Variants in SERPINA1 observed in about 807,000 individuals in gnomAD.
SERPINA1 encodes alpha-1-antitrypsin.
A neutral mutation model predicts 25.4 loss-of-function variants in SERPINA1; 21 were observed. The ratio of observed to expected loss-of-function variants is 0.83; its 90% CI spans 0.59 to 1.19. The LOEUF (loss-of-function observed/expected upper bound fraction) is 1.19, where lower values mean the gene tolerates loss of function less well. Among genes scored for constraint, SERPINA1 ranks in the 50% most tolerant of loss-of-function variants. The probability of loss-of-function intolerance (pLI) is 0.00; values close to 1 mark genes in which losing one functional copy is unlikely to be tolerated. For missense variants in SERPINA1, 546 were observed against 509.0 expected (o/e 1.07, Z -0.70); for synonymous variants, 218 against 211.1 (o/e 1.03, Z -0.29).
Position 94,381,020 on chromosome 14 carries a change from A to G in SERPINA1, c.768T>C (p.Cys256=), listed in dbSNP as rs8350. 6.8e-6 allele frequency: 11 copies of G among 1,613,854 alleles called. No individual in the cohort carries two copies. Among genetic ancestry groups the G allele is most frequent in the African/African-American group, 1.3e-5 (1 of 74,824 alleles). ...KRLGMFNIQH[C]KKLSSWVLLM... The stretch of plus-strand genomic sequence containing the variant: ...GCAGCACCCAGCTGGACAGCTTCTT[A>G]CAGTGCTGGATGTTAAACATGCCTA... The change falls in exon 3 of 5, where the codon TGT becomes TGC. Residue 256 remains cysteine, a synonymous_variant. Coordinates refer to ENST00000393087, the MANE Select transcript of SERPINA1 (RefSeq NM_000295.5).
Position 94,379,608 on chromosome 14 carries a change from A to C in SERPINA1, c.921T>G (p.Ser307=). ...ACAGTTTGGGTAAATGTAAGCTGGC[A>C]GACCTGTCGTGCAGAAAAGAAATTC... is the stretch of plus-strand genomic sequence containing the variant. ...TKFLENEDRR[S]ASLHLPKLSI... is the part of the protein sequence containing the mutation. Residue 307 remains serine, a synonymous_variant, in exon 4 of 5, where the codon TCT becomes TCG. Coordinates refer to ENST00000393087, the MANE Select transcript of SERPINA1 (RefSeq NM_000295.5). 1 of 1,614,228 alleles carries C rather than the reference A, an allele frequency of 6.2e-7. No individual in the cohort carries two copies. Among genetic ancestry groups the C allele is most frequent in the Non-Finnish European group, 8.5e-7 (1 of 1,180,046 alleles).
chr14:94,378,821 C>G (rs988564416), intron 4 of SERPINA1, among the ~76,000 whole-genome samples, 181 bp from the exon 5 acceptor site: 5 of 152,274 alleles, frequency 3.3e-5, no homozygotes, highest in African/African-American at 1.2e-4. Context: ...GGGCTGGCTC[C>G]CCTCTGTCCA....
chr14:94,390,107 T>TGTGAAGG (rs1897595015), upstream of SERPINA1, among the ~76,000 whole-genome samples: 1 of 152,136 alleles, frequency 6.6e-6, no homozygotes, highest in Non-Finnish European at 1.5e-5. Context: ...AGGCAGTCTC[T>TGTGAAGG]CATTCAGTTA....
intron 4 of SERPINA1, chr14:94,379,191 A>G (rs1396613591): frequency 3.3e-6 from 2 of 601,498 alleles, no homozygotes; most frequent in Non-Finnish European, 5.9e-6. Context: ...TCAAGGCCCA[A>G]TGTCTAGAAG....
Position 94,383,319 on chromosome 14 carries a change from G to C in SERPINA1, c.-4-78C>G, listed in dbSNP as rs986863551. On this transcript the variant is annotated intron_variant, in intron 1 of 4. Transcript: ENST00000393087. ...CCCAGTGATCAGGGATTGACACCAC[G>C]TGGAAGTGCCTAGGGATTATTAAAC... The C allele has an allele frequency of 9.4e-6, 14 of 1,482,732 alleles. No homozygotes were observed. In the South Asian group the frequency reaches 1.5e-4, roughly 16 times the overall value. 91.8% of individuals were successfully genotyped at this position (1,482,732 alleles called of 1,614,324 possible).
rs764493280 is a variant in SERPINA1, at chr14:94,382,911, C to T, written c.327G>A (p.Thr109=). The change falls in exon 2 of 5, where the codon ACG becomes ACA. Residue 109 remains threonine (T), a synonymous_variant. Coordinates refer to ENST00000393087, the MANE Select transcript of SERPINA1 (RefSeq NM_000295.5). ...EILEGLNFNL[T]EIPEAQIHEG... ...CATGGATCTGAGCCTCCGGAATCTC[C>T]GTGAGGTTGAAATTCAGGCCCTCCA... 52 of 1,612,716 alleles carry T rather than the reference C, an allele frequency of 3.2e-5. No homozygotes were observed. Among genetic ancestry groups the T allele is most frequent in the Admixed American group, 2.5e-4 (15 of 59,926 alleles).
rs116660845 is a variant in SERPINA1, at chr14:94,382,329, T to C, written c.646+263A>G. Among the ~76,000 whole-genome samples, 815 of 151,626 alleles carry C rather than the reference T, an allele frequency of 5.4e-3. 13 individuals carry two copies. The highest frequency in any genetic ancestry group is 0.019 in the African/African-American group (778 of 41,438). ...AGTTCTAAGCATTATATATTCTACA[T>C]ATACAGTATACACAAGGACATTAAA... On this transcript the variant is annotated intron_variant, in intron 2 of 4. Transcript: ENST00000393087.
At position 94,385,397 on chromosome 14, in the gene SERPINA1, C is replaced by T. The variant is rs138451690; in HGVS notation, c.-4-2156G>A. Among the ~76,000 whole-genome samples the T allele has an allele frequency of 5.9e-3, 893 of 152,320 alleles. 3 individuals are homozygous for T. Among genetic ancestry groups the T allele is most frequent in the Non-Finnish European group, 9.0e-3 (611 of 68,034 alleles). On this transcript the variant is annotated intron_variant, in intron 1 of 4. Coordinates refer to ENST00000393087, the MANE Select transcript of SERPINA1 (RefSeq NM_000295.5). ...AGGGTGGAGTGCAGTGGCGTGATCT[C>T]GGCTCACTGAAACCTCCACCTCCCG...
intron 2 of SERPINA1, among the ~76,000 whole-genome samples, chr14:94,381,982 T>C (rs1165499864): frequency 1.3e-5 from 2 of 152,140 alleles, no homozygotes; most frequent in South Asian, 4.1e-4. Flanking sequence ...TTTTAACCCC[T>C]CAGGGGCAGG....
chr14:94,380,430 C>T (rs77628052), intron 3 of SERPINA1, among the ~76,000 whole-genome samples: 1 of 152,196 alleles, frequency 6.6e-6, no homozygotes, highest in East Asian at 1.9e-4. Context: ...CCGAACCTTG[C>T]TTTTCTGGGC....
In SERPINA1 at chr14:94,382,850, G is replaced by T; in HGVS notation, c.388C>A (p.Pro130Thr). 6.2e-7 allele frequency: 1 copy of T among 1,614,210 alleles called. No homozygotes were observed. The highest frequency in any genetic ancestry group is 1.1e-5 in the South Asian group (1 of 91,088). The change falls in exon 2 of 5, where the codon CCA (proline) becomes ACA (threonine). Residue 130 changes from proline (P) to threonine (T), a missense_variant. Coordinates refer to ENST00000393087, the MANE Select transcript of SERPINA1 (RefSeq NM_000295.5). Reference sequence around the variant, plus strand: ...GTGGTCAGCTGGAGCTGGCTGTCTGGCTGGTTGAGGGTACGGAGGAGTTCC... The same window carrying T: ...GTGGTCAGCTGGAGCTGGCTGTCTGTCTGGTTGAGGGTACGGAGGAGTTCC... ...FQELLRTLNQ[P>T]DSQLQLTTGN...
In SERPINA1 at chr14:94,382,775, A is replaced by G. The variant is rs773981008; in HGVS notation, c.463T>C (p.Leu155=). 11 of 1,614,100 alleles carry G rather than the reference A, an allele frequency of 6.8e-6. No homozygotes were observed. The African/African-American group carries it at 1.1e-4, about 16-fold the overall frequency. The change falls in exon 2 of 5, where the codon TTG becomes CTG. Residue 155 remains leucine (L), a synonymous_variant. Coordinates refer to ENST00000393087, the MANE Select transcript of SERPINA1 (RefSeq NM_000295.5). ...TGGTACAACTTTTTAACATCCTCCAAAAACTTATCCACTAGCTTCAGGCCC... is the reference window on the plus strand; with the variant it reads ...TGGTACAACTTTTTAACATCCTCCAGAAACTTATCCACTAGCTTCAGGCCC... The part of the protein sequence containing the change: ...SEGLKLVDKF[L]EDVKKLYHSE...
intron 1 of SERPINA1, among the ~76,000 whole-genome samples, chr14:94,387,647 A>G (rs1469717507): frequency 6.6e-6 from 1 of 152,116 alleles, no homozygotes; most frequent in Non-Finnish European, 1.5e-5. Flanking sequence ...CCTGTTCCCC[A>G]TCCAGCGCCT....
At chr14:94,389,868 G>A (rs1289311522), upstream of SERPINA1, 1 of 152,268 alleles carries the variant, frequency 6.6e-6, no homozygotes, top group East Asian at 1.9e-4. Context: ...GGCCTCAGGT[G>A]AGTTGTTTAA....
chr14:94,385,473 C>T (rs1288615348), intron 1 of SERPINA1, among the ~76,000 whole-genome samples: 1 of 152,228 alleles, frequency 6.6e-6, no homozygotes, highest in South Asian at 2.1e-4. Context: ...GGATTACAGG[C>T]GTGTGCCACC....
rs185584847 is a variant in SERPINA1 at position 94,386,874 on chromosome 14, G to C, written c.-5+1686C>G. 1.8e-3 allele frequency among the ~76,000 whole-genome samples: 275 copies of C among 152,284 alleles called. No individual in the cohort carries two copies. The Middle Eastern group carries it at 0.031, about 17-fold the overall frequency. On this transcript the variant is annotated intron_variant, in intron 1 of 4. Coordinates refer to ENST00000393087, the MANE Select transcript of SERPINA1 (RefSeq NM_000295.5). ...ACTTACTAACACCTGGTGTTTTACA[G>C]GCACCGTATCATCTAATCTGTCCTC...
chr14:94,384,079 G>A (rs1897141586), intron 1 of SERPINA1: 1 of 152,218 alleles, frequency 6.6e-6, no homozygotes, highest in Non-Finnish European at 1.5e-5. Context: ...GGCTCTTGCT[G>A]TCAGGGGCTT....
chr14:94,388,225 T>TTGTTGC (rs1897414144), intron 1 of SERPINA1, among the ~76,000 whole-genome samples: 2 of 152,122 alleles, frequency 1.3e-5, no homozygotes, highest in Admixed American at 1.3e-4. Flanking sequence ...TGGCTGCGCT[T>TTGTTGC]TGTTGCTGTT....
rs1249789995 is a variant in SERPINA1, at chr14:94,382,863, A to G, written c.375T>C (p.Arg125=). The change falls in exon 2 of 5, where the codon CGT becomes CGC. Residue 125 remains arginine, a synonymous_variant. Transcript: ENST00000393087. ...QIHEGFQELL[R]TLNQPDSQLQ... is the part of the protein sequence containing the mutation. ...GCTGGCTGTCTGGCTGGTTGAGGGT[A>G]CGGAGGAGTTCCTGGAAGCCTTCAT... The G allele has an allele frequency of 3.1e-6, 5 of 1,614,044 alleles. No homozygotes were observed. Among genetic ancestry groups the G allele is most frequent in the East Asian group, 4.5e-5 (2 of 44,896 alleles).
Sources: gnomAD v4.1 joint callset for allele counts (sites outside exome capture counted in the v4.1 genomes callset) on GRCh38, gnomAD v4.1.1 for gene constraint, MANE v1.5 for transcripts, NCBI Gene and HGNC (gene_info 2026-07-23, HGNC 2026-07-21) for gene names.